The following CNTN5 variants were observed in gnomAD, a reference collection of about 807,000 sequenced individuals.
The protein encoded by CNTN5 is contactin 5.
A neutral mutation model predicts 129.1 loss-of-function variants in CNTN5; 77 were observed. The ratio of observed to expected loss-of-function variants is 0.60; its 90% CI spans 0.50 to 0.72. The LOEUF is 0.72. CNTN5 is among the 30% of genes least tolerant of loss of function. The pLI is 0.00. For missense variants in CNTN5, 1,478 were observed against 1,328.8 expected, an observed-to-expected ratio of 1.11 and a Z score of -1.75; for synonymous variants, 509 against 465.6, an observed-to-expected ratio of 1.09 and a Z score of -1.20.
At chr11:100,031,503 G>C (rs1199058153) in intron 9 of CNTN5, among the ~76,000 whole-genome samples, 1 of 152,094 alleles carries the variant, frequency 6.6e-6, no homozygotes, top group Non-Finnish European at 1.5e-5. Context: ...GATAAGATAG[G>C]GCTATAAATG....
intron 1 of CNTN5, among the ~76,000 whole-genome samples, chr11:99,085,430 CATTTTTGAA>C (rs1171576651): frequency 6.6e-6 from 1 of 152,040 alleles, no homozygotes; most frequent in African/African-American, 2.4e-5. Context: ...GTTTTTCTAA[CATTTTTGAA>C]ATTTTGGAAT....
intron 2 of CNTN5, among the ~76,000 whole-genome samples, chr11:99,424,773 G>T (rs1049535018): frequency 1.8e-4 from 27 of 152,342 alleles, no homozygotes; most frequent in African/African-American, 5.1e-4. Context: ...GGTAAGCAGG[G>T]ACATGTTTCA....
chr11:99,262,317 C>G (rs181042340), intron 1 of CNTN5, among the ~76,000 whole-genome samples: 6 of 152,088 alleles, frequency 3.9e-5, no homozygotes, highest in Non-Finnish European at 7.4e-5. Context: ...TAAAACAGTA[C>G]TTGAAATTAA....
chr11:100,272,894 G>A (rs1262510933), intron 18 of CNTN5, among the ~76,000 whole-genome samples: 1 of 152,166 alleles, frequency 6.6e-6, no homozygotes, highest in African/African-American at 2.4e-5. Flanking sequence ...AGAAGTGGTA[G>A]GAGCTGCAAG....
intron 6 of CNTN5, among the ~76,000 whole-genome samples, chr11:99,883,378 G>A (rs142389374): frequency 3.0e-4 from 45 of 152,186 alleles, no homozygotes; most frequent in Admixed American, 6.5e-4. Flanking sequence ...GCCGGCATTC[G>A]TTATCTCCTG....
intron 1 of CNTN5, among the ~76,000 whole-genome samples, chr11:99,151,585 T>G (rs1468796818): frequency 2.0e-5 from 3 of 152,158 alleles, no homozygotes; most frequent in Admixed American, 1.3e-4. Context: ...AGAAAATGTA[T>G]ATCAAGAAAA....
chr11:99,381,999 A>AACAT (rs1437560873), intron 2 of CNTN5, among the ~76,000 whole-genome samples: 3 of 151,664 alleles, frequency 2.0e-5, no homozygotes, highest in Admixed American at 6.6e-5. Flanking sequence ...CAAACAAACA[A>AACAT]ATCAACACAA....
At chr11:99,974,948 C>T (rs765148892) in intron 8 of CNTN5, among the ~76,000 whole-genome samples, 1 of 152,176 alleles carries the variant, frequency 6.6e-6, no homozygotes, top group East Asian at 1.9e-4. Context: ...TGAAAGCCAA[C>T]ATAAATATTT....
rs1340013314 is a variant in CNTN5, at chr11:100,357,926, A to G, written c.*1706A>G. The G allele has an allele frequency of 6.6e-6, 1 of 151,844 alleles. No individual in the cohort carries two copies. The highest frequency in any genetic ancestry group is 1.5e-5 in the Non-Finnish European group (1 of 67,850). 9.4% of individuals were successfully genotyped at this position (151,844 alleles called of 1,614,324 possible). A position where few individuals can be genotyped will look rare whatever the true frequency, so the allele number is the denominator to read the frequency against. On this transcript the variant is annotated 3_prime_UTR_variant, in exon 25 of 25. Coordinates refer to ENST00000524871, the MANE Select transcript of CNTN5 (RefSeq NM_014361.4). ...AAGAAATTAGTTAAAAGACTCACTCAATGATATTATAGTAAATACTACAGA... is the reference window on the plus strand; with the variant it reads ...AAGAAATTAGTTAAAAGACTCACTCGATGATATTATAGTAAATACTACAGA...
intron 2 of CNTN5, among the ~76,000 whole-genome samples, chr11:99,501,028 A>T (rs2135382130): frequency 1.3e-5 from 2 of 152,226 alleles, no homozygotes; most frequent in Middle Eastern, 6.8e-3. Flanking sequence ...ACATACGTGT[A>T]TTTGTATATA....
At position 99,612,220 on chromosome 11, in the gene CNTN5, A is replaced by G. The variant is rs560024353; in HGVS notation, c.55+55951A>G. On this transcript the variant is annotated intron_variant, in intron 3 of 24. Transcript: ENST00000524871. ...CAAAATCAGAAAGCTACTATATTGC[A>G]AAGTCTGACCAGGTTTTCTGATCTC... Among the ~76,000 whole-genome samples the G allele has an allele frequency of 7.2e-5, 11 of 152,286 alleles. No homozygotes were observed. The South Asian group carries it at 2.3e-3, about 32-fold the overall frequency.
intron 21 of CNTN5, among the ~76,000 whole-genome samples, chr11:100,332,920 C>T (rs897261714): frequency 1.3e-5 from 2 of 152,112 alleles, no homozygotes; most frequent in Non-Finnish European, 2.9e-5. Flanking sequence ...TTCTATTCAG[C>T]ATAGTACTGG....
At chr11:100,286,449 CT>C (rs1489891937) in intron 18 of CNTN5, among the ~76,000 whole-genome samples, 4 of 151,428 alleles carry the variant, frequency 2.6e-5, no homozygotes, top group Non-Finnish European at 5.9e-5. Flanking sequence ...TCCCTGACCC[CT>C]GACCCCCAAG....
rs578089531 is a variant in CNTN5, at chr11:99,423,865, G to C, written c.-71+98381G>C. Among the ~76,000 whole-genome samples the C allele has an allele frequency of 1.4e-4, 21 of 152,232 alleles. No homozygotes were observed. In the South Asian group the frequency reaches 3.9e-3, roughly 29 times the overall value. On this transcript the variant is annotated intron_variant, in intron 2 of 24. Transcript: ENST00000524871. ...ATTTCGACTAGGGTGGGTATGGGGT[G>C]GGGGAGCGGTGGTGTATGATCAAGT...
At chr11:99,734,925 G>A (rs1210031332) in intron 3 of CNTN5, among the ~76,000 whole-genome samples, 3 of 152,176 alleles carry the variant, frequency 2.0e-5, no homozygotes, top group Admixed American at 6.5e-5. Context: ...AGAGAATGGC[G>A]TGAAGCCGGG....
chr11:99,066,073 T>C (rs915565541), intron 1 of CNTN5, among the ~76,000 whole-genome samples: 3 of 152,168 alleles, frequency 2.0e-5, no homozygotes, highest in African/African-American at 2.4e-5. Context: ...TACACGCATA[T>C]GCCATATATT....
At chr11:99,659,032 C>T (rs1256496428) in intron 3 of CNTN5, among the ~76,000 whole-genome samples, 1 of 152,056 alleles carries the variant, frequency 6.6e-6, no homozygotes, top group Non-Finnish European at 1.5e-5. Flanking sequence ...CCAACCCCTG[C>T]CACAGTTGAT....
intron 13 of CNTN5, among the ~76,000 whole-genome samples, chr11:100,129,254 G>A (rs1471722998): frequency 6.6e-6 from 1 of 152,086 alleles, no homozygotes; most frequent in Non-Finnish European, 1.5e-5. Context: ...ATTTTGAAGT[G>A]GCTATACCCC....
intron 13 of CNTN5, among the ~76,000 whole-genome samples, chr11:100,114,515 G>C (rs1945773293): frequency 1.3e-5 from 2 of 152,014 alleles, no homozygotes; most frequent in African/African-American, 2.4e-5. Flanking sequence ...GTTCTGATTT[G>C]ATAGATTATC....
Sources: allele counts gnomAD v4.1 joint callset (sites outside exome capture counted in the v4.1 genomes callset), GRCh38; gene constraint gnomAD v4.1.1; transcripts MANE v1.5; gene names NCBI Gene and HGNC (gene_info 2026-07-23, HGNC 2026-07-21).